Variants in STK33 observed in about 807,000 individuals in gnomAD.
STK33 encodes the protein serine/threonine-protein kinase 33.
A neutral mutation model predicts 58.0 loss-of-function variants in STK33; 52 were observed. The ratio of observed to expected loss-of-function variants is 0.90; its 90% CI spans 0.72 to 1.13. STK33 has a LOEUF of 1.13. Ranked by LOEUF, STK33 falls within the 50% of genes most tolerant of loss-of-function variation. The pLI, the probability that STK33 is intolerant of heterozygous loss-of-function variation, is 0.00. For synonymous variants in STK33, 215 were observed against 200.1 expected, an observed-to-expected ratio of 1.07 and a Z score of -0.63; for missense variants, 630 against 604.2, an observed-to-expected ratio of 1.04 and a Z score of -0.45.
chr11:8,421,182 T>C (rs1160755052), intron 14 of STK33, among the ~76,000 whole-genome samples: 2 of 152,180 alleles, frequency 1.3e-5, no homozygotes, highest in Non-Finnish European at 2.9e-5. Context: ...GTTAGTGCCT[T>C]TGGTTATGTT....
At chr11:8,518,770 T>G (rs564584510) in intron 1 of STK33, among the ~76,000 whole-genome samples, 8 of 152,258 alleles carry the variant, frequency 5.3e-5, no homozygotes, top group African/African-American at 1.9e-4. Flanking sequence ...GGTAAAGAGA[T>G]CAATTCAAAA....
intron 7 of STK33, among the ~76,000 whole-genome samples, chr11:8,463,441 C>G (rs972387041): frequency 3.9e-5 from 6 of 152,294 alleles, no homozygotes; most frequent in Middle Eastern, 6.8e-3. Context: ...GTTCACTCGC[C>G]TGCTGCTCAT....
intron 1 of STK33, among the ~76,000 whole-genome samples, chr11:8,536,971 G>GGT (rs1414218820): frequency 2.4e-5 from 1 of 40,920 alleles, no homozygotes; most frequent in Non-Finnish European, 4.5e-5. Context: ...AAAAAAAAAA[G>GGT]ATTTTTTTTT....
intron 1 of STK33, among the ~76,000 whole-genome samples, chr11:8,541,983 TATA>T (rs1179353628): frequency 6.6e-6 from 1 of 152,212 alleles, no homozygotes; most frequent in Non-Finnish European, 1.5e-5. Flanking sequence ...GAACAGTCTC[TATA>T]ATAATGGAAT....
intron 2 of STK33, among the ~76,000 whole-genome samples, 188 bp from the exon 3 acceptor site, chr11:8,477,471 G>A (rs1243008590): frequency 1.3e-5 from 2 of 152,032 alleles, no homozygotes; most frequent in African/African-American, 4.8e-5. Context: ...TAAGAATATT[G>A]ATTTTATGGT....
intron 7 of STK33, among the ~76,000 whole-genome samples, chr11:8,462,476 T>TATATAC (rs1565077136): frequency 8.0e-5 from 9 of 113,156 alleles, no homozygotes; most frequent in African/African-American, 2.9e-4. Flanking sequence ...CACACACATA[T>TATATAC]ATATATATAT....
chr11:8,380,232 G>A, the STK33 span, among the ~76,000 whole-genome samples: 1 of 152,154 alleles, frequency 6.6e-6, no homozygotes, highest in African/African-American at 2.4e-5. Context: ...TTGAACTAAT[G>A]TATACTCCCA....
At chr11:8,515,185 GA>G (rs967601034) in intron 1 of STK33, among the ~76,000 whole-genome samples, 6 of 151,662 alleles carry the variant, frequency 4.0e-5, no homozygotes, top group African/African-American at 1.5e-4. Flanking sequence ...GCTATACTAA[GA>G]AAAAAAGAGA....
At chr11:8,539,433 G>A (rs551657018) in intron 1 of STK33, among the ~76,000 whole-genome samples, 1 of 152,178 alleles carries the variant, frequency 6.6e-6, no homozygotes, top group South Asian at 2.1e-4. Flanking sequence ...ACAAGGCAAG[G>A]GAGCAAGCCA....
Position 8,462,588 on chromosome 11 carries a change from G to A in STK33, c.454-679C>T, listed in dbSNP as rs867821629. On this transcript the variant is annotated intron_variant, in intron 7 of 15. Coordinates refer to ENST00000687296, the MANE Select transcript of STK33 (RefSeq NM_001352389.2). ...CTGAGGGAGAAACAGGGAGAGAGAC[G>A]GAAAGAGAGAGAGACAGACAGACAA... Among the ~76,000 whole-genome samples, 7 of 151,476 alleles carry A rather than the reference G, an allele frequency of 4.6e-5. No homozygotes were observed. The South Asian group carries it at 1.0e-3, about 23-fold the overall frequency.
intron 1 of STK33, among the ~76,000 whole-genome samples, chr11:8,568,297 G>T (rs1957579715): frequency 6.6e-6 from 1 of 152,058 alleles, no homozygotes. Context: ...CATTAAAATG[G>T]CATAAAAGTT....
intron 1 of STK33, among the ~76,000 whole-genome samples, chr11:8,520,989 AAATTTAT>A (rs1314746114): frequency 1.3e-5 from 2 of 151,150 alleles, no homozygotes; most frequent in African/African-American, 4.8e-5. Context: ...ATCTTTATCT[AAATTTAT>A]AATTTATAAG....
intron 1 of STK33, among the ~76,000 whole-genome samples, chr11:8,512,500 G>C (rs1441892015): frequency 1.3e-5 from 2 of 152,194 alleles, no homozygotes; most frequent in Non-Finnish European, 2.9e-5. Context: ...ATTGGCAGAA[G>C]CTGGAAGGAA....
At chr11:8,399,994 A>G (rs1213318813) in intron 15 of STK33, among the ~76,000 whole-genome samples, 2 of 152,210 alleles carry the variant, frequency 1.3e-5, no homozygotes, top group Non-Finnish European at 2.9e-5. Context: ...ACCAACCAAA[A>G]AAAGTCCAGG....
intron 8 of STK33, 126 bp downstream of exon 8, chr11:8,461,679 C>A (rs1047059888): frequency 1.8e-6 from 1 of 560,188 alleles, no homozygotes; most frequent in African/African-American, 2.0e-5. Flanking sequence ...TCTCATCAAT[C>A]TCCAGTGACA....
At chr11:8,393,370 A>G (rs1381442376) in intron 15 of STK33, among the ~76,000 whole-genome samples, 1 of 152,264 alleles carries the variant, frequency 6.6e-6, no homozygotes, top group Non-Finnish European at 1.5e-5. Context: ...GAGTTTTAAC[A>G]GGCAATTGTA....
At chr11:8,339,246 A>C in the STK33 span, among the ~76,000 whole-genome samples, 2 of 152,210 alleles carry the variant, frequency 1.3e-5, no homozygotes, top group African/African-American at 4.8e-5. Flanking sequence ...TTCCTCCTGC[A>C]ATCCAGGCAC....
At chr11:8,523,583 G>A (rs1175601405) in intron 1 of STK33, among the ~76,000 whole-genome samples, 1 of 151,520 alleles carries the variant, frequency 6.6e-6, no homozygotes, top group Non-Finnish European at 1.5e-5. Context: ...GGGAAGCGAA[G>A]AGCCCCTCTG....
intron 1 of STK33, among the ~76,000 whole-genome samples, chr11:8,582,537 T>A (rs1309452187): frequency 6.6e-6 from 1 of 152,072 alleles, no homozygotes; most frequent in African/African-American, 2.4e-5. Flanking sequence ...CCATCAGATC[T>A]CATGAGAATT....
Sources: gnomAD v4.1 joint callset for allele counts (sites outside exome capture counted in the v4.1 genomes callset) on GRCh38, gnomAD v4.1.1 for gene constraint, MANE v1.5 for transcripts, NCBI Gene and HGNC (gene_info 2026-07-23, HGNC 2026-07-21) for gene names.